Variants in UNC5A observed in about 807,000 individuals in gnomAD.
The protein encoded by UNC5A is netrin receptor UNC5A.
In UNC5A, 20 loss-of-function variants were observed where a neutral mutation model predicts 87.4. The observed-to-expected ratio is 0.23, with a 90% confidence interval of 0.16 to 0.33. UNC5A has a LOEUF of 0.33. Among genes scored for constraint, UNC5A ranks in the 10% least tolerant of loss-of-function variants. The pLI is 1.00. For synonymous variants in UNC5A, 438 were observed against 482.3 expected (o/e 0.91, Z 1.20); for missense variants, 844 against 1,133.4 (o/e 0.74, Z 3.67).
chr5:176,840,625 C>T (rs1337858239), intron 1 of UNC5A, among the ~76,000 whole-genome samples: 1 of 152,220 alleles, frequency 6.6e-6, no homozygotes, highest in Non-Finnish European at 1.5e-5. Context: ...GGGACCCTCC[C>T]TCTGCAGATG....
intron 1 of UNC5A, among the ~76,000 whole-genome samples, chr5:176,812,203 G>A (rs918169290): frequency 3.9e-5 from 6 of 152,186 alleles, no homozygotes; most frequent in Non-Finnish European, 7.3e-5. Flanking sequence ...TGTGTTAGGG[G>A]CGTGTGTGCA....
Position 176,862,887 on chromosome 5 carries a change from G to A in UNC5A, c.292+42G>A, listed in dbSNP as rs755750391. On this transcript the variant is annotated intron_variant, in intron 2 of 14. Coordinates refer to ENST00000329542, the MANE Select transcript of UNC5A (RefSeq NM_133369.3). ...GCCAGGCAGGGCCAATCCGGGGGAG[G>A]CGAGTTTCGGCCCCCCCAGAGGAGC... The A allele has an allele frequency of 4.4e-6, 7 of 1,604,746 alleles. No individual in the cohort carries two copies. The East Asian group carries it at 1.6e-4, about 36-fold the overall frequency.
At chr5:176,877,849 G>C (rs1377359634) in intron 10 of UNC5A, 45 bp from the exon 11 acceptor site, 2 of 1,560,620 alleles carry the variant, frequency 1.3e-6, no homozygotes, top group Non-Finnish European at 1.7e-6. Flanking sequence ...CTGGCCCTAG[G>C]GCTCTGAGGC....
intron 9 of UNC5A, 41 bp downstream of exon 9, chr5:176,877,320 G>C: frequency 7.7e-6 from 12 of 1,553,206 alleles, no homozygotes; most frequent in Non-Finnish European, 1.1e-5. Flanking sequence ...GGAGGGACCT[G>C]CCTGCTGCCT....
At chr5:176,861,089 A>AAGGC in intron 1 of UNC5A, among the ~76,000 whole-genome samples, 1 of 152,236 alleles carries the variant, frequency 6.6e-6, no homozygotes, top group Admixed American at 6.5e-5. Context: ...TGCCATCCCT[A>AAGGC]AGGCACCTGC....
rs1758229986 is a variant in UNC5A, at chr5:176,875,152, G to T, written c.1378+586G>T. 6.6e-6 allele frequency among the ~76,000 whole-genome samples: 1 copy of T among 152,132 alleles called. No individual in the cohort carries two copies. Among genetic ancestry groups the T allele is most frequent in the African/African-American group, 2.4e-5 (1 of 41,424 alleles). ...TCCATAAATGTAGGTGTGCCTCCGA[G>T]CTCCCTCCCAGTGCCCTTCTCCCCG... On this transcript the variant is annotated intron_variant, in intron 8 of 14. Transcript: ENST00000329542. The surrounding 1 kb of genome is among the most constrained non-coding windows in gnomAD (Gnocchi z 5.2).
chr5:176,832,368 G>A (rs1026083861), intron 1 of UNC5A, among the ~76,000 whole-genome samples: 12 of 152,178 alleles, frequency 7.9e-5, no homozygotes, highest in Non-Finnish European at 1.2e-4. Context: ...GAAATGCTTA[G>A]GACAATGGCA....
At chr5:176,811,628 C>T (rs1014119893) in intron 1 of UNC5A, among the ~76,000 whole-genome samples, 7 of 152,116 alleles carry the variant, frequency 4.6e-5, no homozygotes, top group Non-Finnish European at 2.9e-5. Context: ...GGAGGAAGTT[C>T]CCCTGCATCC....
Position 176,844,348 on chromosome 5 carries a change from C to T in UNC5A, c.71-18276C>T, listed in dbSNP as rs1215936404. Among the ~76,000 whole-genome samples the T allele has an allele frequency of 1.3e-5, 2 of 152,074 alleles. No individual in the cohort carries two copies. Among genetic ancestry groups the T allele is most frequent in the East Asian group, 3.9e-4 (2 of 5,174 alleles). ...GCTGGAGTCCCAGGGTGGAGGTGGG[C>T]CCAGATCTGTGCAGGGCCCAGCCTC... On this transcript the variant is annotated intron_variant, in intron 1 of 14. Coordinates refer to ENST00000329542, the MANE Select transcript of UNC5A (RefSeq NM_133369.3). The surrounding 1 kb of genome is among the most constrained non-coding windows in gnomAD (Gnocchi z 4.2).
At chr5:176,831,545 G>A (rs1477559602) in intron 1 of UNC5A, among the ~76,000 whole-genome samples, 1 of 152,220 alleles carries the variant, frequency 6.6e-6, no homozygotes, top group African/African-American at 2.4e-5. Flanking sequence ...CCATGGAAGG[G>A]GCCTAGCCGT....
chr5:176,861,071 C>T (rs371389562), intron 1 of UNC5A, among the ~76,000 whole-genome samples: 10 of 152,210 alleles, frequency 6.6e-5, no homozygotes, highest in African/African-American at 2.2e-4. Flanking sequence ...GCTCAGCCAG[C>T]CTCCCTCTGC....
chr5:176,815,563 G>A (rs1172813033), intron 1 of UNC5A, among the ~76,000 whole-genome samples: 2 of 152,234 alleles, frequency 1.3e-5, no homozygotes, highest in Admixed American at 6.5e-5. Context: ...AGATTGATGG[G>A]CAATGTGGAG....
rs1356519681 is a variant in UNC5A, at chr5:176,848,823, C to T, written c.71-13801C>T. ...GCCGCGGCCTGGGCCCTGCGCGTCT[C>T]GGGATTGCAGCTTCTCCCCTCTCGG... is the stretch of plus-strand genomic sequence containing the variant. On this transcript the variant is annotated intron_variant, in intron 1 of 14. Coordinates refer to ENST00000329542, the MANE Select transcript of UNC5A (RefSeq NM_133369.3). The surrounding 1 kb of genome is among the most constrained non-coding windows in gnomAD (Gnocchi z 5.8). Among the ~76,000 whole-genome samples, 1 of 152,310 alleles carries T rather than the reference C, an allele frequency of 6.6e-6. No individual in the cohort carries two copies. The highest frequency in any genetic ancestry group is 1.9e-4 in the East Asian group (1 of 5,178).
intron 1 of UNC5A, among the ~76,000 whole-genome samples, chr5:176,833,979 C>T (rs2113611224): frequency 6.6e-6 from 1 of 152,274 alleles, no homozygotes; most frequent in Middle Eastern, 3.4e-3. Flanking sequence ...GCTGGGATTA[C>T]AGGTGTGAGC....
At chr5:176,861,095 C>G (rs184497834) in intron 1 of UNC5A, among the ~76,000 whole-genome samples, 5 of 152,344 alleles carry the variant, frequency 3.3e-5, no homozygotes, top group Admixed American at 2.6e-4. Context: ...CCCTAAGGCA[C>G]CTGCCAGCTC....
Position 176,869,014 on chromosome 5 carries a change from G to A in UNC5A, c.721+50G>A, listed in dbSNP as rs1482094432. The A allele has an allele frequency of 1.3e-6, 2 of 1,535,788 alleles. No individual in the cohort carries two copies. Among genetic ancestry groups the A allele is most frequent in the Non-Finnish European group, 1.8e-6 (2 of 1,139,412 alleles). On this transcript the variant is annotated intron_variant, in intron 5 of 14. Transcript: ENST00000329542. The surrounding 1 kb of genome is among the most constrained non-coding windows in gnomAD (Gnocchi z 9.1). Reference sequence around the variant, plus strand: ...CAGGGAGAGGCACTGCGGTGCCCCTGGGCAGTGACATGTGGCTGGTGGGGT... The same window carrying A: ...CAGGGAGAGGCACTGCGGTGCCCCTAGGCAGTGACATGTGGCTGGTGGGGT...
intron 14 of UNC5A, 91 bp from the exon 15 acceptor site, chr5:176,879,630 G>A (rs753134270): frequency 1.5e-5 from 23 of 1,560,210 alleles, no homozygotes; most frequent in African/African-American, 6.8e-5. Context: ...GTTTGGCTTC[G>A]GGGAGGCCCT....
chr5:176,860,347 G>T (rs796955351), intron 1 of UNC5A, among the ~76,000 whole-genome samples: 4 of 152,298 alleles, frequency 2.6e-5, no homozygotes, highest in African/African-American at 9.6e-5. Context: ...GCGGCCCTCG[G>T]GCCAGCAGCA....
rs1223945117 is a variant in UNC5A at position 176,844,518 on chromosome 5, G to A, written c.71-18106G>A. ...CGCCCACTGCATACAGCAGGTTGGT[G>A]AGGGAAGGTCTGATGGGGACTTAGC... is the stretch of plus-strand genomic sequence containing the variant. On this transcript the variant is annotated intron_variant, in intron 1 of 14. Transcript: ENST00000329542. This position sits in a 1 kb window ranked among gnomAD's most constrained non-coding sequence, Gnocchi z 4.2. Among the ~76,000 whole-genome samples the A allele has an allele frequency of 6.6e-6, 1 of 152,222 alleles. No individual in the cohort carries two copies. The highest frequency in any genetic ancestry group is 6.5e-5 in the Admixed American group (1 of 15,294).
Sources: allele counts gnomAD v4.1 joint callset (sites outside exome capture counted in the v4.1 genomes callset), GRCh38; gene constraint gnomAD v4.1.1; non-coding constraint Gnocchi (gnomAD v3.1); transcripts MANE v1.5; gene names NCBI Gene and HGNC (gene_info 2026-07-23, HGNC 2026-07-21).